IGFBP4: variants seen among roughly 807,000 people sequenced by gnomAD.
IGFBP4 encodes the protein insulin-like growth factor-binding protein 4.
In IGFBP4, 9 loss-of-function variants were observed where a neutral mutation model predicts 25.8. That is an observed-to-expected ratio of 0.35 (90% CI 0.21 to 0.61). The LOEUF is 0.61. IGFBP4 is among the 20% of genes least tolerant of loss of function. IGFBP4 has a pLI of 0.77. For synonymous variants in IGFBP4, 153 were observed against 153.9 expected, an observed-to-expected ratio of 0.99 and a Z score of 0.05; for missense variants, 315 against 365.3, an observed-to-expected ratio of 0.86 and a Z score of 1.12.
chr17:40,450,865 C>T (rs1423420622), intron 1 of IGFBP4, among the ~76,000 whole-genome samples: 2 of 152,132 alleles, frequency 1.3e-5, no homozygotes, highest in Non-Finnish European at 2.9e-5. Flanking sequence ...CTCTCCACTC[C>T]CCAGTTCCAG....
At chr17:40,445,005 C>G (rs185601551) in intron 1 of IGFBP4, among the ~76,000 whole-genome samples, 2 of 145,830 alleles carry the variant, frequency 1.4e-5, no homozygotes, top group East Asian at 4.1e-4. Flanking sequence ...GGCCCTTGCC[C>G]TAACCTCATT....
rs1325559809 is a variant in IGFBP4 at position 40,456,771 on chromosome 17, C to T, written c.*188C>T. On this transcript the variant is annotated 3_prime_UTR_variant, in exon 4 of 4. Coordinates refer to ENST00000269593, the MANE Select transcript of IGFBP4 (RefSeq NM_001552.3). The stretch of plus-strand genomic sequence containing the variant: ...TGTGTGTTTGTGAGCATGGGTGTGC[C>T]CTTGGGGTAAGCCAGAGCCTGGGGT... 1.7e-6 allele frequency: 1 copy of T among 600,360 alleles called. No individual in the cohort carries two copies. Among genetic ancestry groups the T allele is most frequent in the Non-Finnish European group, 2.9e-6 (1 of 349,320 alleles). 37.2% of individuals were successfully genotyped at this position (600,360 alleles called of 1,614,324 possible).
chr17:40,453,251 G>A lies in IGFBP4; in HGVS notation c.507+109G>A. 2.4e-6 allele frequency: 2 copies of A among 834,966 alleles called. No individual in the cohort carries two copies. The highest frequency in any genetic ancestry group is 1.7e-6 in the Non-Finnish European group (1 of 587,766). The allele number at this position is 834,966 out of a possible 1,614,324, so 51.7% of individuals were successfully genotyped here. On this transcript the variant is annotated intron_variant, in intron 2 of 3. Coordinates refer to ENST00000269593, the MANE Select transcript of IGFBP4 (RefSeq NM_001552.3). The surrounding 1 kb of genome is among the most constrained non-coding windows in gnomAD (Gnocchi z 4.0). ...ACACACCATCACCACCAGATCTGGGGCGTGTTCATTCAGCACACATTCTAG... is the reference window on the plus strand; with the variant it reads ...ACACACCATCACCACCAGATCTGGGACGTGTTCATTCAGCACACATTCTAG...
In IGFBP4 at chr17:40,443,930, G is replaced by GA; in HGVS notation, c.195_196insA (p.Pro66ThrfsTer52). On this transcript the variant is annotated frameshift_variant, in exon 1 of 4. Coordinates refer to ENST00000269593, the MANE Select transcript of IGFBP4 (RefSeq NM_001552.3). LOFTEE classifies it high-confidence loss of function. ...CCACTTGCGCCCTGGGCTTGGGGAT[G>GA]CCCTGCGGGGTGTACACCCCCCGTT... 6.5e-7 allele frequency: 1 copy of GA among 1,530,764 alleles called. No individual in the cohort carries two copies. The highest frequency in any genetic ancestry group is 8.7e-7 in the Non-Finnish European group (1 of 1,143,804). 94.8% of individuals were successfully genotyped at this position (1,530,764 alleles called of 1,614,324 possible).
chr17:40,445,842 A>G (rs2035641743), intron 1 of IGFBP4, among the ~76,000 whole-genome samples: 1 of 152,126 alleles, frequency 6.6e-6, no homozygotes, highest in Non-Finnish European at 1.5e-5. Flanking sequence ...GGCACCAGAT[A>G]AGGATGGCTG....
At chr17:40,446,379 G>A (rs1191832142) in intron 1 of IGFBP4, among the ~76,000 whole-genome samples, 1 of 151,622 alleles carries the variant, frequency 6.6e-6, no homozygotes, top group Non-Finnish European at 1.5e-5. Flanking sequence ...ATTTTGGGAG[G>A]CTGAGGAGGG....
intron 1 of IGFBP4, 100 bp from the exon 2 acceptor site, chr17:40,452,885 G>T: frequency 9.6e-7 from 1 of 1,039,430 alleles, no homozygotes; most frequent in Non-Finnish European, 1.3e-6. Flanking sequence ...GCGCCAAGCC[G>T]AAGAATCCCC....
chr17:40,447,615 A>G (rs1402961461), intron 1 of IGFBP4, among the ~76,000 whole-genome samples: 7 of 152,084 alleles, frequency 4.6e-5, no homozygotes, highest in Non-Finnish European at 7.4e-5. Context: ...TTAATTTAGT[A>G]CTGGCAAAGC....
At chr17:40,444,922 C>G (rs71383381) in intron 1 of IGFBP4, among the ~76,000 whole-genome samples, 124 of 84,032 alleles carry the variant, frequency 1.5e-3, no homozygotes, top group Middle Eastern at 5.4e-3. Context: ...CACACACACA[C>G]ACACAGAGAC....
intron 1 of IGFBP4, among the ~76,000 whole-genome samples, chr17:40,446,276 G>A (rs937584967): frequency 6.8e-6 from 1 of 146,880 alleles, no homozygotes; most frequent in African/African-American, 2.5e-5. Flanking sequence ...CTATGATCAC[G>A]TGATTGCACT....
chr17:40,448,029 C>T (rs1219715892), intron 1 of IGFBP4, among the ~76,000 whole-genome samples: 1 of 152,202 alleles, frequency 6.6e-6, no homozygotes, highest in Non-Finnish European at 1.5e-5. Context: ...GGGGGTGATA[C>T]CCCTTGAGCC....
intron 1 of IGFBP4, among the ~76,000 whole-genome samples, chr17:40,447,009 G>T (rs1002016870): frequency 6.6e-6 from 1 of 152,240 alleles, no homozygotes; most frequent in Non-Finnish European, 1.5e-5. Flanking sequence ...GTAGGCCACT[G>T]TCTGCTTTAG....
intron 1 of IGFBP4, among the ~76,000 whole-genome samples, chr17:40,446,230 G>T (rs2035644660): frequency 6.7e-6 from 1 of 149,248 alleles, no homozygotes; most frequent in African/African-American, 2.5e-5. Flanking sequence ...CCAGGTATTT[G>T]GGAGTCTGAG....
Position 40,456,498 on chromosome 17 carries a change from G to A in IGFBP4, c.692G>A (p.Arg231Gln). 4 of 1,614,056 alleles carry A rather than the reference G, an allele frequency of 2.5e-6. No homozygotes were observed. Among genetic ancestry groups the A allele is most frequent in the Non-Finnish European group, 3.4e-6 (4 of 1,179,956 alleles). ...CGTGGCAAGTGCTGGTGTGTGGACC[G>A]GAAGACGGGGGTGAAGCTTCCGGGG... The part of the protein sequence containing the change: ...GQRGKCWCVD[R>Q]KTGVKLPGGL... The change falls in exon 4 of 4, where the codon CGG becomes CAG. Residue 231 changes from arginine (R) to glutamine (Q), a missense_variant. By Grantham distance (43) the Arg-to-Gln change is conservative (BLOSUM62 1). Transcript: ENST00000269593.
At chr17:40,447,581 G>T (rs1349077960) in intron 1 of IGFBP4, among the ~76,000 whole-genome samples, 1 of 152,174 alleles carries the variant, frequency 6.6e-6, no homozygotes, top group Non-Finnish European at 1.5e-5. Context: ...GAGGGGGAGG[G>T]AGGAGCATGG....
Position 40,456,757 on chromosome 17 carries a change from G to T in IGFBP4, c.*174G>T. 1 of 629,728 alleles carries T rather than the reference G, an allele frequency of 1.6e-6. No individual in the cohort carries two copies. Among genetic ancestry groups the T allele is most frequent in the Non-Finnish European group, 2.7e-6 (1 of 371,308 alleles). The allele number at this position is 629,728 out of a possible 1,614,324, so 39.0% of individuals were successfully genotyped here. A position where few individuals can be genotyped will look rare whatever the true frequency, so the allele number is the denominator to read the frequency against. On this transcript the variant is annotated 3_prime_UTR_variant, in exon 4 of 4. Coordinates refer to ENST00000269593, the MANE Select transcript of IGFBP4 (RefSeq NM_001552.3). ...TGTGCGTGCGTGTGTGTGTGTTTGT[G>T]AGCATGGGTGTGCCCTTGGGGTAAG...
chr17:40,455,151 C>T (rs2035707170), intron 3 of IGFBP4, among the ~76,000 whole-genome samples: 1 of 152,086 alleles, frequency 6.6e-6, no homozygotes, highest in Non-Finnish European at 1.5e-5. Flanking sequence ...TTTAGGTTTA[C>T]AGAAAACTTG....
chr17:40,444,884 A>AACACACACACACACAC (rs756211064), intron 1 of IGFBP4, among the ~76,000 whole-genome samples: 8 of 80,302 alleles, frequency 1.0e-4, no homozygotes, highest in African/African-American at 4.5e-4. Context: ...GAGAGAGAGA[A>AACACACACACACACAC]ACACACACAC....
intron 1 of IGFBP4, among the ~76,000 whole-genome samples, chr17:40,451,705 G>T (rs911870303): frequency 1.3e-5 from 2 of 152,214 alleles, no homozygotes; most frequent in Admixed American, 6.5e-5. Context: ...GCTCTGATCT[G>T]CAGAGAGGTC....
Sources: allele counts gnomAD v4.1 joint callset (sites outside exome capture counted in the v4.1 genomes callset), GRCh38; gene constraint gnomAD v4.1.1; non-coding constraint Gnocchi (gnomAD v3.1); transcripts MANE v1.5; gene names NCBI Gene and HGNC (gene_info 2026-07-23, HGNC 2026-07-21).